UBN2: variants seen among roughly 807,000 people sequenced by gnomAD.
UBN2 encodes ubinuclein-2.
In UBN2, 35 loss-of-function variants were observed where a neutral mutation model predicts 120.2. The ratio of observed to expected loss-of-function variants is 0.29; its 90% CI spans 0.22 to 0.39. The LOEUF (loss-of-function observed/expected upper bound fraction) is 0.39, where lower values mean the gene tolerates loss of function less well. UBN2 is among the 10% of genes least tolerant of loss of function. UBN2 has a pLI of 1.00. For synonymous variants in UBN2, 661 were observed against 648.7 expected (o/e 1.02, Z -0.29); for missense variants, 1,693 against 1,663.2 (o/e 1.02, Z -0.31).
At chr7:139,289,231 T>C (rs1797874668) in intron 15 of UBN2, among the ~76,000 whole-genome samples, 1 of 152,066 alleles carries the variant, frequency 6.6e-6, no homozygotes. Flanking sequence ...GATAGAGAGA[T>C]TTGCAAATAC....
chr7:139,259,729 GGTT>G (rs1464509137), intron 5 of UBN2, among the ~76,000 whole-genome samples: 1 of 152,108 alleles, frequency 6.6e-6, no homozygotes, highest in African/African-American at 2.4e-5. Flanking sequence ...AACAATTTAT[GGTT>G]GTTTTAATAT....
At chr7:139,287,669 C>CTT (rs60585708) in intron 15 of UBN2, among the ~76,000 whole-genome samples, 9 of 138,804 alleles carry the variant, frequency 6.5e-5, no homozygotes, top group Non-Finnish European at 1.3e-4. Flanking sequence ...CATATCTGAT[C>CTT]TTTTTTTTTT....
At chr7:139,248,270 C>G (rs1224190566) in intron 2 of UBN2, among the ~76,000 whole-genome samples, 3 of 151,996 alleles carry the variant, frequency 2.0e-5, no homozygotes, top group Non-Finnish European at 2.9e-5. Context: ...AGTAATACTT[C>G]ATAGGAAATT....
Position 139,302,389 on chromosome 7 carries a change from G to A in UBN2, c.*4553G>A, listed in dbSNP as rs1041681367. 2.6e-5 allele frequency: 4 copies of A among 152,326 alleles called. No homozygotes were observed. The highest frequency in any genetic ancestry group is 1.3e-4 in the Admixed American group (2 of 15,314). The allele number at this position is 152,326 out of a possible 1,614,324, so 9.4% of individuals were successfully genotyped here. ...TTAGTTGATTAAAGTGGGTGGATTA[G>A]AAAAGTATCTTTTCGGCCGGGTGCG... On this transcript the variant is annotated 3_prime_UTR_variant, in exon 18 of 18. Coordinates refer to ENST00000473989, the MANE Select transcript of UBN2 (RefSeq NM_173569.4).
At position 139,300,783 on chromosome 7, in the gene UBN2, G is replaced by A. The variant is rs1267735035; in HGVS notation, c.*2947G>A. The A allele has an allele frequency of 6.6e-6, 1 of 152,178 alleles. No homozygotes were observed. Among genetic ancestry groups the A allele is most frequent in the Non-Finnish European group, 1.5e-5 (1 of 68,028 alleles). 9.4% of individuals were successfully genotyped at this position (152,178 alleles called of 1,614,324 possible). A position where few individuals can be genotyped will look rare whatever the true frequency, so the allele number is the denominator to read the frequency against. ...TACTGTACATACAAGTTAATCCTCA[G>A]TATTCACAAGCAATAACAGTCAGCA... On this transcript the variant is annotated 3_prime_UTR_variant, in exon 18 of 18. Coordinates refer to ENST00000473989, the MANE Select transcript of UBN2 (RefSeq NM_173569.4).
chr7:139,249,583 A>T (rs1185972592), intron 2 of UBN2, among the ~76,000 whole-genome samples: 1 of 152,242 alleles, frequency 6.6e-6, no homozygotes, highest in Non-Finnish European at 1.5e-5. Context: ...TTGAGAGCTG[A>T]AACCAAATGA....
chr7:139,274,003 T>G lies in UBN2; in HGVS notation c.1902T>G (p.Ala634=), dbSNP rs1797367044. The part of the protein sequence containing the change: ...YELEPNKSQS[A]EDYLKSFMET... ...TAGAACCAAATAAAAGCCAGTCTGC[T>G]GAAGATTATCTTAAGTCTTTTATGG... Residue 634 remains alanine (A), a synonymous_variant, in exon 11 of 18, where the codon GCT becomes GCG. Transcript: ENST00000473989. The G allele has an allele frequency of 6.2e-7, 1 of 1,614,038 alleles. No homozygotes were observed. The highest frequency in any genetic ancestry group is 2.2e-5 in the East Asian group (1 of 44,860).
chr7:139,264,627 A>C (rs535376400), intron 6 of UBN2, among the ~76,000 whole-genome samples: 1 of 152,208 alleles, frequency 6.6e-6, no homozygotes, highest in Admixed American at 6.5e-5. Context: ...GTTGGAGTGC[A>C]GTGGTACAAT....
At chr7:139,287,498 A>G (rs1797823328) in intron 15 of UBN2, among the ~76,000 whole-genome samples, 1 of 152,050 alleles carries the variant, frequency 6.6e-6, no homozygotes, top group African/African-American at 2.4e-5. Flanking sequence ...GTATTTCATT[A>G]TTGATTGCAA....
downstream of UBN2, among the ~76,000 whole-genome samples, chr7:139,311,701 G>A (rs1053065727): frequency 2.0e-5 from 3 of 152,220 alleles, no homozygotes; most frequent in African/African-American, 7.2e-5. Flanking sequence ...TTTCCCAAAA[G>A]TATAGAAGTG....
At chr7:139,262,639 G>C (rs1041078633) in intron 6 of UBN2, among the ~76,000 whole-genome samples, 2 of 151,582 alleles carry the variant, frequency 1.3e-5, no homozygotes, top group Non-Finnish European at 2.9e-5. Flanking sequence ...GCTTGAACCT[G>C]GGAGGCAGAG....
chr7:139,329,382 C>T, the UBN2 span, among the ~76,000 whole-genome samples: 4 of 132,392 alleles, frequency 3.0e-5, no homozygotes, highest in African/African-American at 7.1e-5. Context: ...CCCAGCTACA[C>T]ATTAAGCTTA....
At position 139,261,588 on chromosome 7, in the gene UBN2, T is replaced by C; in HGVS notation, c.1242T>C (p.Ala414=). ...DDFDFDRLLD[A]ASDGSPLSES... ...TTGACTTCGACAGATTACTGGATGC[T>C]GCTTCTGATGGTAGCCCCCTATCTG... The change falls in exon 6 of 18, where the codon GCT becomes GCC. Residue 414 remains alanine (A), a synonymous_variant. Coordinates refer to ENST00000473989, the MANE Select transcript of UBN2 (RefSeq NM_173569.4). 1.9e-6 allele frequency: 3 copies of C among 1,614,236 alleles called. No individual in the cohort carries two copies. Among genetic ancestry groups the C allele is most frequent in the Non-Finnish European group, 2.5e-6 (3 of 1,180,034 alleles).
chr7:139,237,443 C>G (rs1796195020), intron 2 of UBN2, among the ~76,000 whole-genome samples: 3 of 152,200 alleles, frequency 2.0e-5, no homozygotes, highest in Admixed American at 6.5e-5. Context: ...ACTACAGGGG[C>G]AACACCACAC....
intron 13 of UBN2, among the ~76,000 whole-genome samples, chr7:139,280,759 C>T (rs1797584826): frequency 6.6e-6 from 1 of 152,222 alleles, no homozygotes. Context: ...GATTCTCCTG[C>T]CTCAGCCTCC....
Position 139,283,700 on chromosome 7 carries a change from A to G in UBN2, c.2795A>G (p.His932Arg), listed in dbSNP as rs1585022716. The G allele has an allele frequency of 6.2e-7, 1 of 1,614,152 alleles. No individual in the cohort carries two copies. Among genetic ancestry groups the G allele is most frequent in the East Asian group, 2.2e-5 (1 of 44,886 alleles). The change falls in exon 15 of 18, where the codon CAT becomes CGT. Residue 932 changes from histidine (H) to arginine (R), a missense_variant. Transcript: ENST00000473989. ...ACACAAGTAACAAAGGTGCACCAGC[A>G]TTCAGCTGTCCAGCAGAACTATGTG... ...SLTQVTKVHQ[H>R]SAVQQNYVSP... is the part of the protein sequence containing the mutation.
intron 3 of UBN2, among the ~76,000 whole-genome samples, chr7:139,254,186 G>A (rs994392676): frequency 2.0e-5 from 3 of 152,026 alleles, no homozygotes; most frequent in South Asian, 2.1e-4. Context: ...CCAGCTACTC[G>A]GGAGGCTGAG....
intron 12 of UBN2, 130 bp downstream of exon 12, chr7:139,276,277 C>A: frequency 1.2e-6 from 1 of 846,184 alleles, no homozygotes; most frequent in Non-Finnish European, 1.9e-6. Flanking sequence ...ACTATTTAGA[C>A]TTCAGAACAC....
At chr7:139,238,811 T>C (rs543777368) in intron 2 of UBN2, among the ~76,000 whole-genome samples, 1 of 152,308 alleles carries the variant, frequency 6.6e-6, no homozygotes, top group African/African-American at 2.4e-5. Flanking sequence ...TAATAATAAA[T>C]TTAGGGATAG....
Sources: allele counts gnomAD v4.1 joint callset (sites outside exome capture counted in the v4.1 genomes callset), GRCh38; gene constraint gnomAD v4.1.1; transcripts MANE v1.5; gene names NCBI Gene and HGNC (gene_info 2026-07-23, HGNC 2026-07-21).